The following SORBS2 variants were observed in gnomAD, a reference collection of about 807,000 sequenced individuals.
SORBS2 encodes the protein sorbin and SH3 domain containing 2.
A neutral mutation model predicts 97.7 loss-of-function variants in SORBS2; 46 were observed. The ratio of observed to expected loss-of-function variants is 0.47; its 90% CI spans 0.37 to 0.60. The LOEUF (loss-of-function observed/expected upper bound fraction) is 0.60. Among genes scored for constraint, SORBS2 ranks in the 20% least tolerant of loss-of-function variants. The pLI, the probability that SORBS2 is intolerant of heterozygous loss-of-function variation, is 0.00. For missense variants in SORBS2, 1,316 were observed against 1,282.3 expected, an observed-to-expected ratio of 1.03 and a Z score of -0.40; for synonymous variants, 476 against 473.4, an observed-to-expected ratio of 1.01 and a Z score of -0.07.
intron 1 of SORBS2, among the ~76,000 whole-genome samples, chr4:185,824,001 G>A (rs1271042461): frequency 1.3e-5 from 2 of 152,066 alleles, no homozygotes; most frequent in African/African-American, 2.4e-5. Context: ...GGTCATCTTG[G>A]GCAGCCTACT....
intron 5 of SORBS2, among the ~76,000 whole-genome samples, chr4:185,630,190 A>G (rs1159565125): frequency 6.6e-6 from 1 of 152,150 alleles, no homozygotes; most frequent in Non-Finnish European, 1.5e-5. Context: ...CGTGTATAAC[A>G]CTTTTTAATC....
chr4:185,708,414 C>A lies in SORBS2; in HGVS notation c.-197-29592G>T, dbSNP rs116336496. On this transcript the variant is annotated intron_variant, in intron 2 of 20. Transcript: ENST00000284776. Reference sequence around the variant, plus strand: ...AGGATCAAACCATCATCAGAACCACCCTTTGTGTCTTCATTAATTTTTTGT... The same window carrying A: ...AGGATCAAACCATCATCAGAACCACACTTTGTGTCTTCATTAATTTTTTGT... Among the ~76,000 whole-genome samples the A allele has an allele frequency of 5.1e-3, 783 of 152,246 alleles. 12 individuals are homozygous for A. Among genetic ancestry groups the A allele is most frequent in the African/African-American group, 0.018 (755 of 41,530 alleles).
chr4:185,757,125 A>G, intron 2 of SORBS2: 1 of 481,200 alleles, frequency 2.1e-6, no homozygotes, highest in Admixed American at 3.0e-5. Flanking sequence ...CACACTGTCC[A>G]CTGTAGGGGT....
chr4:185,668,546 C>T (rs141892096), intron 4 of SORBS2, among the ~76,000 whole-genome samples: 55 of 152,272 alleles, frequency 3.6e-4, no homozygotes, highest in African/African-American at 1.3e-3. Context: ...TTTGACAAGA[C>T]CCCAATCTTC....
intron 2 of SORBS2, among the ~76,000 whole-genome samples, chr4:185,716,309 T>C (rs755518255): frequency 2.6e-4 from 39 of 152,190 alleles, no homozygotes; most frequent in Non-Finnish European, 4.1e-4. Context: ...AAGTGACTTA[T>C]CCTCTCTCTG....
intron 2 of SORBS2, among the ~76,000 whole-genome samples, chr4:185,717,060 T>C (rs919493396): frequency 2.0e-5 from 3 of 152,246 alleles, no homozygotes; most frequent in African/African-American, 7.2e-5. Flanking sequence ...GACACTTTAG[T>C]GCTCATTCTT....
At chr4:185,589,781 G>C (rs1161524537) in exon 14 of SORBS2, 3 of 1,579,450 alleles carry the variant, frequency 1.9e-6, no homozygotes, top group Non-Finnish European at 2.6e-6. Flanking sequence ...TACAGAGCCT[G>C]AAACCTTAAA....
intron 1 of SORBS2, among the ~76,000 whole-genome samples, chr4:185,818,894 A>G (rs1032519894): frequency 1.3e-5 from 2 of 152,126 alleles, no homozygotes; most frequent in African/African-American, 4.8e-5. Context: ...TCCACAACCA[A>G]CTTTCCTATA....
At chr4:185,626,766 T>A in intron 6 of SORBS2, 66 bp downstream of exon 18, 1 of 1,504,116 alleles carries the variant, frequency 6.6e-7, no homozygotes, top group Non-Finnish European at 9.2e-7. Flanking sequence ...TGGGCCAGCT[T>A]TCACACAGTG....
intron 6 of SORBS2, among the ~76,000 whole-genome samples, chr4:185,626,137 T>TACTC (rs145400263): frequency 0.054 from 8,218 of 152,028 alleles, 703 homozygotes; most frequent in African/African-American, 0.19. Flanking sequence ...AGGAGTGACT[T>TACTC]CTTTCAACAG....
At chr4:185,718,241 A>G (rs55675264) in intron 2 of SORBS2, among the ~76,000 whole-genome samples, 36,629 of 151,860 alleles carry the variant, frequency 0.24, 5,196 homozygotes, top group South Asian at 0.41. Flanking sequence ...AAAAAAAAAA[A>G]GAAAATATGT....
intron 1 of SORBS2, among the ~76,000 whole-genome samples, chr4:185,936,830 GCT>G (rs2149985505): frequency 6.6e-6 from 1 of 152,268 alleles, no homozygotes; most frequent in Non-Finnish European, 1.5e-5. Context: ...CTCAGCTTCT[GCT>G]CTCACTACCA....
At chr4:185,884,191 T>C (rs1191734612) in intron 1 of SORBS2, among the ~76,000 whole-genome samples, 1 of 152,246 alleles carries the variant, frequency 6.6e-6, no homozygotes, top group Non-Finnish European at 1.5e-5. Context: ...ACATAAATTA[T>C]ACCTCAATAA....
intron 1 of SORBS2, among the ~76,000 whole-genome samples, chr4:185,928,634 C>T (rs570517658): frequency 1.5e-3 from 230 of 152,230 alleles, no homozygotes; most frequent in African/African-American, 5.3e-3. Flanking sequence ...CAAGCTCTGC[C>T]TCCTGGGTTC....
At chr4:185,676,971 C>T (rs756477557) in intron 4 of SORBS2, 16 of 1,543,298 alleles carry the variant, frequency 1.0e-5, no homozygotes, top group South Asian at 7.2e-5. Flanking sequence ...TGTATTAATA[C>T]GAAGAGACTG....
intron 6 of SORBS2, 91 bp downstream of exon 18, chr4:185,626,741 A>G (rs2096822334): frequency 8.5e-7 from 1 of 1,174,568 alleles, no homozygotes; most frequent in Non-Finnish European, 1.3e-6. Flanking sequence ...GAGAGCTGGC[A>G]CATGCCACTA....
intron 1 of SORBS2, among the ~76,000 whole-genome samples, chr4:185,886,930 A>G (rs1579328003): frequency 6.6e-6 from 1 of 152,254 alleles, no homozygotes; most frequent in East Asian, 1.9e-4. Flanking sequence ...ACAGAGAAAC[A>G]GATTTCAGCT....
intron 2 of SORBS2, among the ~76,000 whole-genome samples, chr4:185,690,049 A>C (rs1394194839): frequency 6.6e-6 from 1 of 151,304 alleles, no homozygotes; most frequent in Non-Finnish European, 1.5e-5. Flanking sequence ...ACAGTTGTTA[A>C]GTTATTTGGA....
intron 4 of SORBS2, among the ~76,000 whole-genome samples, chr4:185,669,395 A>G (rs1263854589): frequency 6.6e-6 from 1 of 152,206 alleles, no homozygotes. Flanking sequence ...TAAGACCACC[A>G]TAGTCATGGG....
Sources: allele counts gnomAD v4.1 joint callset (sites outside exome capture counted in the v4.1 genomes callset), GRCh38; gene constraint gnomAD v4.1.1; transcripts MANE v1.5; gene names NCBI Gene and HGNC (gene_info 2026-07-23, HGNC 2026-07-21).